RGS6: variants seen among roughly 807,000 people sequenced by gnomAD.
The protein encoded by RGS6 is regulator of G protein signaling 6, also known as regulator of G-protein signaling 6.
In RGS6, 30 loss-of-function variants were observed where a neutral mutation model predicts 78.5. The ratio of observed to expected loss-of-function variants is 0.38; its 90% CI spans 0.29 to 0.52. The LOEUF (loss-of-function observed/expected upper bound fraction) is 0.52. Ranked by LOEUF, RGS6 falls within the 20% of genes least tolerant of loss-of-function variation. The pLI, the probability that RGS6 is intolerant of heterozygous loss-of-function variation, is 0.85. For missense variants in RGS6, 495 were observed against 609.7 expected, an observed-to-expected ratio of 0.81 and a Z score of 1.98; for synonymous variants, 206 against 206.0, an observed-to-expected ratio of 1.00 and a Z score of 0.00.
At chr14:72,613,023 TG>T in the RGS6 span, among the ~76,000 whole-genome samples, 1 of 151,950 alleles carries the variant, frequency 6.6e-6, no homozygotes, top group Non-Finnish European at 1.5e-5. Context: ...TGTGTGTGTG[TG>T]TGTGTGTATG....
intron 2 of RGS6, among the ~76,000 whole-genome samples, chr14:71,998,755 C>T (rs1395597734): frequency 1.3e-5 from 2 of 152,188 alleles, no homozygotes; most frequent in Non-Finnish European, 2.9e-5. Flanking sequence ...TATACCACCT[C>T]TCTTCCTAAA....
downstream of RGS6, among the ~76,000 whole-genome samples, chr14:72,567,043 T>C (rs7150443): frequency 0.98 from 149,492 of 152,324 alleles, 73,374 homozygotes; most frequent in Middle Eastern, 1. Flanking sequence ...AAGAGGAGGA[T>C]GAGCGCAAGG....
chr14:72,152,220 A>G (rs2096701133), intron 2 of RGS6, among the ~76,000 whole-genome samples: 2 of 134,556 alleles, frequency 1.5e-5, no homozygotes, highest in East Asian at 2.2e-4. Context: ...GGGCAGCTGC[A>G]TGAGAGAGAG....
At chr14:72,124,158 T>TAAC (rs1184002122) in intron 2 of RGS6, among the ~76,000 whole-genome samples, 1 of 152,204 alleles carries the variant, frequency 6.6e-6, no homozygotes, top group East Asian at 1.9e-4. Flanking sequence ...ATAATAATAA[T>TAAC]AACAGCCATT....
chr14:72,126,281 A>C (rs1733953796), intron 2 of RGS6, among the ~76,000 whole-genome samples: 1 of 152,232 alleles, frequency 6.6e-6, no homozygotes, highest in African/African-American at 2.4e-5. Flanking sequence ...GGATTGGCCA[A>C]CCAGCTAGCA....
intron 6 of RGS6, among the ~76,000 whole-genome samples, chr14:72,461,995 C>A (rs1451562409): frequency 6.6e-6 from 1 of 152,046 alleles, no homozygotes; most frequent in African/African-American, 2.4e-5. Flanking sequence ...GGTATTATTG[C>A]CACTGGGATG....
intron 2 of RGS6, among the ~76,000 whole-genome samples, chr14:72,065,565 T>G (rs939859053): frequency 6.6e-6 from 1 of 152,182 alleles, no homozygotes; most frequent in African/African-American, 2.4e-5. Flanking sequence ...TACAATGATC[T>G]TTTTCTATTG....
At position 72,367,769 on chromosome 14, in the gene RGS6, T is replaced by C. The variant is rs532211709; in HGVS notation, c.184+15575T>C. 6.6e-5 allele frequency among the ~76,000 whole-genome samples: 10 copies of C among 152,338 alleles called. No homozygotes were observed. The East Asian group carries it at 1.9e-3, about 29-fold the overall frequency. ...TTTCTTGGCAATACAGTTTGGAGTC[T>C]AGGCTCCAAACAGCCTATGTGACCT... On this transcript the variant is annotated intron_variant, in intron 3 of 17. Transcript: ENST00000553525.
the RGS6 span, among the ~76,000 whole-genome samples, chr14:71,923,854 T>C: frequency 1.3e-5 from 2 of 152,142 alleles, no homozygotes; most frequent in African/African-American, 4.8e-5. Flanking sequence ...TAAAATGTTC[T>C]ACGGATTAAA....
chr14:72,311,423 A>C (rs2152461182), intron 2 of RGS6, among the ~76,000 whole-genome samples: 1 of 152,314 alleles, frequency 6.6e-6, no homozygotes, highest in African/African-American at 2.4e-5. Flanking sequence ...TAAGATTGTT[A>C]ATGTTTAATG....
chr14:71,896,020 C>T, the RGS6 span, among the ~76,000 whole-genome samples: 1 of 151,984 alleles, frequency 6.6e-6, no homozygotes, highest in Non-Finnish European at 1.5e-5. Context: ...GGGTGCAGTC[C>T]GTGCAGGCCA....
intron 3 of RGS6, among the ~76,000 whole-genome samples, chr14:72,379,765 T>C (rs1412316959): frequency 6.6e-6 from 1 of 152,080 alleles, no homozygotes; most frequent in Non-Finnish European, 1.5e-5. Context: ...AACTATGGAT[T>C]CAATGCAATC....
chr14:71,979,743 T>A (rs1040742551), intron 2 of RGS6, among the ~76,000 whole-genome samples: 5 of 152,182 alleles, frequency 3.3e-5, no homozygotes, highest in African/African-American at 1.2e-4. Context: ...TTCTGTTGAT[T>A]TGGGGTGGAG....
chr14:71,944,063 C>T (rs752367005), intron 1 of RGS6, among the ~76,000 whole-genome samples: 1 of 152,066 alleles, frequency 6.6e-6, no homozygotes, highest in Non-Finnish European at 1.5e-5. Flanking sequence ...GGGCTTTGGT[C>T]GGTTTGGCTT....
chr14:71,983,865 A>G (rs2094567342), intron 2 of RGS6, among the ~76,000 whole-genome samples: 1 of 152,220 alleles, frequency 6.6e-6, no homozygotes, highest in African/African-American at 2.4e-5. Flanking sequence ...ATCCACAACA[A>G]TTTCTAGTTT....
At chr14:72,616,288 C>T in the RGS6 span, among the ~76,000 whole-genome samples, 1 of 152,188 alleles carries the variant, frequency 6.6e-6, no homozygotes, top group Non-Finnish European at 1.5e-5. Context: ...ATAGCCCTCT[C>T]TAAAAGTCAC....
intron 2 of RGS6, among the ~76,000 whole-genome samples, chr14:72,150,232 G>A (rs1449396511): frequency 1.3e-5 from 2 of 152,152 alleles, no homozygotes; most frequent in Non-Finnish European, 2.9e-5. Context: ...AGATGCAGAA[G>A]CTGACCTTGG....
chr14:71,954,642 C>A (rs2092648739), intron 1 of RGS6, among the ~76,000 whole-genome samples: 1 of 152,134 alleles, frequency 6.6e-6, no homozygotes, highest in Non-Finnish European at 1.5e-5. Flanking sequence ...TGACATTAGT[C>A]ACCCTCTTGT....
At chr14:72,032,090 C>T (rs1252266221) in intron 2 of RGS6, among the ~76,000 whole-genome samples, 1 of 152,158 alleles carries the variant, frequency 6.6e-6, no homozygotes, top group African/African-American at 2.4e-5. Context: ...TTTCTACCAA[C>T]ACGCTATAAA....
Sources: gnomAD v4.1 joint callset for allele counts (sites outside exome capture counted in the v4.1 genomes callset) on GRCh38, gnomAD v4.1.1 for gene constraint, MANE v1.5 for transcripts, NCBI Gene and HGNC (gene_info 2026-07-23, HGNC 2026-07-21) for gene names.